KLRF1: variants seen among roughly 807,000 people sequenced by gnomAD.
KLRF1 encodes the protein killer cell lectin like receptor F1.
Under a neutral mutation model 30.7 loss-of-function variants are expected in KLRF1, and 27 were observed. The observed-to-expected ratio is 0.88, with a 90% CI of 0.65 to 1.21. The LOEUF (loss-of-function observed/expected upper bound fraction) is 1.21, where lower values mean the gene tolerates loss of function less well. Among genes scored for constraint, KLRF1 ranks in the 50% most tolerant of loss-of-function variants. KLRF1 has a pLI of 0.00. For synonymous variants in KLRF1, 92 were observed against 89.3 expected (o/e 1.03, Z -0.17); for missense variants, 246 against 259.3 (o/e 0.95, Z 0.35).
At chr12:9,810,004 A>T in the KLRF1 span, among the ~76,000 whole-genome samples, 1 of 152,192 alleles carries the variant, frequency 6.6e-6, no homozygotes, top group Non-Finnish European at 1.5e-5. Context: ...GCAAGAAACA[A>T]GCTTCTCAGT....
In KLRF1 at chr12:9,833,901, C is replaced by CTTTTTTTTTTTTTTT. The variant is rs35443913; in HGVS notation, c.334+460_334+474dup. Among the ~76,000 whole-genome samples the CTTTTTTTTTTTTTTT allele has an allele frequency of 2.9e-4, 24 of 82,402 alleles. 1 individual carries two copies. The highest frequency in any genetic ancestry group is 1.2e-3 in the African/African-American group (22 of 18,060). The allele number at this position is 82,402 out of a possible 152,430, so 54.1% of individuals were successfully genotyped here. ...TTACCTTCTATTTTTAAATGTTTAA[C>CTTTTTTTTTTTTTTT]TTTTTTTTTTTTTTTTTTTTTTTTT... On this transcript the variant is annotated intron_variant, in intron 3 of 5. Coordinates refer to ENST00000617889, the MANE Select transcript of KLRF1 (RefSeq NM_016523.3).
At chr12:9,824,456 G>T (rs909674691), upstream of KLRF1, among the ~76,000 whole-genome samples, 1 of 152,038 alleles carries the variant, frequency 6.6e-6, no homozygotes, top group African/African-American at 2.4e-5. Flanking sequence ...ACTATGTATT[G>T]CAGAAACATC....
Position 9,832,423 on chromosome 12 carries a change from A to G in KLRF1, c.184+9A>G. ...CTCCTTGATCCTGTTGGGTAAGTTT[A>G]GAAGATCTTAATTAAATAAAAATAT... On this transcript the variant is annotated intron_variant, in intron 2 of 5. Transcript: ENST00000617889. 1 of 1,431,846 alleles carries G rather than the reference A, an allele frequency of 7.0e-7. No individual in the cohort carries two copies. Among genetic ancestry groups the G allele is most frequent in the Non-Finnish European group, 9.8e-7 (1 of 1,018,794 alleles). 88.7% of individuals were successfully genotyped at this position (1,431,846 alleles called of 1,614,324 possible).
At chr12:9,806,124 G>T in the KLRF1 span, among the ~76,000 whole-genome samples, 1 of 151,658 alleles carries the variant, frequency 6.6e-6, no homozygotes, top group Non-Finnish European at 1.5e-5. Context: ...TGGTAGCTTA[G>T]GTTATTATTT....
At chr12:9,843,257 G>A (rs758369496) in intron 5 of KLRF1, among the ~76,000 whole-genome samples, 1 of 152,262 alleles carries the variant, frequency 6.6e-6, no homozygotes, top group East Asian at 1.9e-4. Context: ...TTCCTGCCTA[G>A]TACATCCAGA....
chr12:9,835,593 A>G (rs1313091530), intron 3 of KLRF1, among the ~76,000 whole-genome samples: 1 of 152,070 alleles, frequency 6.6e-6, no homozygotes, highest in South Asian at 2.1e-4. Context: ...AATTACTGCT[A>G]ATATTTTTAA....
chr12:9,844,432 G>T lies in KLRF1; in HGVS notation c.602G>T (p.Gly201Val). The T allele has an allele frequency of 6.3e-7, 1 of 1,592,848 alleles. No homozygotes were observed. The highest frequency in any genetic ancestry group is 1.1e-5 in the South Asian group (1 of 90,458). ...CTCTTCCCTAGATTCTTCATAAAGG[G>T]ACCAGCTAAAGAAAACAGCTGTGCT... The part of the protein sequence containing the change: ...PIDSKIFFIK[G>V]PAKENSCAAI... The change falls in exon 6 of 6, where the codon GGA becomes GTA. Residue 201 changes from glycine (G) to valine (V), a missense_variant. Coordinates refer to ENST00000617889, the MANE Select transcript of KLRF1 (RefSeq NM_016523.3).
chr12:9,815,440 T>C, the KLRF1 span, among the ~76,000 whole-genome samples: 1 of 152,252 alleles, frequency 6.6e-6, no homozygotes, highest in Non-Finnish European at 1.5e-5. Flanking sequence ...TGATTCTATC[T>C]GAGCCGCAGA....
chr12:9,807,813 G>A, the KLRF1 span, among the ~76,000 whole-genome samples: 5 of 152,030 alleles, frequency 3.3e-5, no homozygotes, highest in Non-Finnish European at 4.4e-5. Context: ...TACAGATAGT[G>A]TAACCAGACA....
At chr12:9,818,943 A>G in the KLRF1 span, among the ~76,000 whole-genome samples, 1 of 152,156 alleles carries the variant, frequency 6.6e-6, no homozygotes, top group African/African-American at 2.4e-5. Context: ...CAAGAAAACA[A>G]CTCAATCCGT....
At chr12:9,832,624 A>C (rs146663180) in intron 2 of KLRF1, among the ~76,000 whole-genome samples, 1 of 151,714 alleles carries the variant, frequency 6.6e-6, no homozygotes, top group Non-Finnish European at 1.5e-5. Context: ...AGTGGCATAC[A>C]GTCTAATACG....
At chr12:9,800,086 A>G in the KLRF1 span, among the ~76,000 whole-genome samples, 12 of 152,038 alleles carry the variant, frequency 7.9e-5, no homozygotes, top group Non-Finnish European at 1.8e-4. Context: ...TAAGTTGTCG[A>G]CTCATTTGGA....
intron 1 of KLRF1, among the ~76,000 whole-genome samples, chr12:9,831,034 G>A (rs1266418290): frequency 6.6e-6 from 1 of 151,820 alleles, no homozygotes; most frequent in Non-Finnish European, 1.5e-5. Flanking sequence ...GCAGTGGCGC[G>A]ATCTCAGCTC....
the KLRF1 span, among the ~76,000 whole-genome samples, chr12:9,806,610 A>G: frequency 6.6e-6 from 1 of 152,112 alleles, no homozygotes; most frequent in Non-Finnish European, 1.5e-5. Context: ...TCTGTTTACT[A>G]GAACTATTAA....
chr12:9,824,650 A>T (rs1867261394), upstream of KLRF1, among the ~76,000 whole-genome samples: 1 of 152,208 alleles, frequency 6.6e-6, no homozygotes, highest in Non-Finnish European at 1.5e-5. Flanking sequence ...AAGGGCATCC[A>T]AATAGGAAGA....
At chr12:9,826,416 T>C (rs1294242829), upstream of KLRF1, among the ~76,000 whole-genome samples, 1 of 152,232 alleles carries the variant, frequency 6.6e-6, no homozygotes, top group Non-Finnish European at 1.5e-5. Flanking sequence ...AAGGGTTCAC[T>C]TATACACCTT....
At chr12:9,807,310 G>T in the KLRF1 span, among the ~76,000 whole-genome samples, 1 of 151,924 alleles carries the variant, frequency 6.6e-6, no homozygotes, top group Non-Finnish European at 1.5e-5. Flanking sequence ...TTTTAAAAAA[G>T]AAAACAAGTA....
chr12:9,800,581 A>C, the KLRF1 span, among the ~76,000 whole-genome samples: 1 of 151,960 alleles, frequency 6.6e-6, no homozygotes, highest in Non-Finnish European at 1.5e-5. Flanking sequence ...TTTCTGTAAT[A>C]GCATGTTTTA....
At chr12:9,826,326 G>A (rs1370974782), upstream of KLRF1, among the ~76,000 whole-genome samples, 3 of 151,942 alleles carry the variant, frequency 2.0e-5, no homozygotes, top group Admixed American at 6.6e-5. Context: ...TAAAACCACA[G>A]TAAGATACCA....
Sources: allele counts gnomAD v4.1 joint callset (sites outside exome capture counted in the v4.1 genomes callset), GRCh38; gene constraint gnomAD v4.1.1; transcripts MANE v1.5; gene names NCBI Gene and HGNC (gene_info 2026-07-23, HGNC 2026-07-21).